Variants in CLSTN1 observed in about 807,000 individuals in gnomAD.
The protein encoded by CLSTN1 is calsyntenin 1.
Under a neutral mutation model 108.3 loss-of-function variants are expected in CLSTN1, and 28 were observed. The ratio of observed to expected loss-of-function variants is 0.26; its 90% confidence interval spans 0.19 to 0.35. CLSTN1 has a LOEUF of 0.35. CLSTN1 is among the 10% of genes least tolerant of loss of function. CLSTN1 has a pLI of 1.00. For synonymous variants in CLSTN1, 524 were observed against 534.9 expected (o/e 0.98, Z 0.28); for missense variants, 1,157 against 1,302.6 (o/e 0.89, Z 1.72).
In CLSTN1 at chr1:9,743,978, TAGAG is replaced by T; in HGVS notation, c.1258_1261del (p.Leu420MetfsTer7). 2 of 1,614,096 alleles carry T rather than the reference TAGAG, an allele frequency of 1.2e-6. No homozygotes were observed. Among genetic ancestry groups the T allele is most frequent in the Non-Finnish European group, 1.7e-6 (2 of 1,179,968 alleles). ...GAAGATCAGCCGGCACCCGTGGACA[TAGAG>T]GGAGTAGTGGTGCCGATTCATATCT... On this transcript the variant is annotated frameshift_variant, in exon 9 of 19. Transcript: ENST00000377298. LOFTEE classifies it high-confidence loss of function.
At chr1:9,818,848 G>A (rs556183199) in intron 1 of CLSTN1, among the ~76,000 whole-genome samples, 25 of 139,096 alleles carry the variant, frequency 1.8e-4, no homozygotes, top group Non-Finnish European at 3.3e-4. Flanking sequence ...GTGCAGTGGC[G>A]CGATCTCGGC....
chr1:9,812,546 G>T (rs1654802978), intron 1 of CLSTN1, among the ~76,000 whole-genome samples: 1 of 152,044 alleles, frequency 6.6e-6, no homozygotes, highest in South Asian at 2.1e-4. Context: ...CCCCAGGGTT[G>T]GTTTAAAAAC....
At chr1:9,762,301 A>AAT (rs1316288492) in intron 2 of CLSTN1, among the ~76,000 whole-genome samples, 1 of 152,078 alleles carries the variant, frequency 6.6e-6, no homozygotes, top group Non-Finnish European at 1.5e-5. Context: ...TCTCTACTAA[A>AAT]AATACAAAAA....
intron 7 of CLSTN1, among the ~76,000 whole-genome samples, chr1:9,747,810 G>A (rs530231334): frequency 2.8e-4 from 43 of 152,202 alleles, no homozygotes; most frequent in African/African-American, 6.3e-4. Flanking sequence ...TTGGGAGGCC[G>A]AGGTGGGCGG....
At chr1:9,762,441 A>T (rs1471077248) in intron 2 of CLSTN1, among the ~76,000 whole-genome samples, 1 of 150,256 alleles carries the variant, frequency 6.7e-6, no homozygotes, top group African/African-American at 2.5e-5. Flanking sequence ...AGCCTAGGCG[A>T]CAGAGCGAGA....
chr1:9,818,777 CTTTTTTTTTTTTTTTT>C (rs1156483241), intron 1 of CLSTN1, among the ~76,000 whole-genome samples: 4 of 98,084 alleles, frequency 4.1e-5, no homozygotes, highest in Admixed American at 1.0e-4. Flanking sequence ...TCAAGCAACT[CTTTTTTTTTTTTTTTT>C]TTTTTTTTTT....
At chr1:9,751,432 G>C in intron 5 of CLSTN1, 41 bp downstream of exon 5, 1 of 1,595,244 alleles carries the variant, frequency 6.3e-7, no homozygotes, top group Non-Finnish European at 8.6e-7. Flanking sequence ...GGTTAGCAGG[G>C]ACTGTCTACC....
At chr1:9,748,838 C>A (rs181801658) in intron 7 of CLSTN1, among the ~76,000 whole-genome samples, 10 of 152,210 alleles carry the variant, frequency 6.6e-5, no homozygotes, top group African/African-American at 2.4e-4. Flanking sequence ...AAAACTCACT[C>A]CATGTACTCC....
At position 9,733,600 on chromosome 1, in the gene CLSTN1, G is replaced by A. The variant is rs1650523910; in HGVS notation, c.2282-54C>T. On this transcript the variant is annotated intron_variant, in intron 15 of 18. Coordinates refer to ENST00000377298, the MANE Select transcript of CLSTN1 (RefSeq NM_001009566.3). ...CGGGTGGCTTAGGGCAGGAGCATGG[G>A]CAGGGCTGCAGCCGTCAGCACAGGC... 3.1e-6 allele frequency: 5 copies of A among 1,601,504 alleles called. No individual in the cohort carries two copies. In the African/African-American group the frequency reaches 4.0e-5, roughly 13 times the overall value.
At position 9,744,594 on chromosome 1, in the gene CLSTN1, G is replaced by A. The variant is rs762095639; in HGVS notation, c.1035C>T (p.Leu345=). 6.2e-7 allele frequency: 1 copy of A among 1,613,526 alleles called. No homozygotes were observed. Reference sequence around the variant, plus strand: ...CGGTGGGCAGGCCCATGGTCCAGTTGAGGGATCCACTCGGGGATGGCAGCA... The same window carrying A: ...CGGTGGGCAGGCCCATGGTCCAGTTAAGGGATCCACTCGGGGATGGCAGCA... ...AELLPSPSGS[L]NWTMGLPTDN... Residue 345 remains leucine (L), a synonymous_variant, in exon 8 of 19, where the codon CTC becomes CTT. Coordinates refer to ENST00000377298, the MANE Select transcript of CLSTN1 (RefSeq NM_001009566.3).
intron 17 of CLSTN1, 146 bp from the exon 18 acceptor site, chr1:9,731,536 G>T: frequency 9.9e-7 from 1 of 1,012,562 alleles, no homozygotes; most frequent in Non-Finnish European, 1.5e-6. Context: ...ACCAGGAAAA[G>T]CTCGCCATGG....
At chr1:9,805,160 T>C (rs1166906514) in intron 1 of CLSTN1, among the ~76,000 whole-genome samples, 1 of 152,142 alleles carries the variant, frequency 6.6e-6, no homozygotes, top group East Asian at 1.9e-4. Flanking sequence ...CAATGTAAAC[T>C]ATGAAGAGAC....
At position 9,823,204 on chromosome 1, in the gene CLSTN1, C is replaced by G. The variant is rs1655256029; in HGVS notation, c.91+439G>C. 6.6e-6 allele frequency among the ~76,000 whole-genome samples: 1 copy of G among 152,206 alleles called. No individual in the cohort carries two copies. The highest frequency in any genetic ancestry group is 2.4e-5 in the African/African-American group (1 of 41,450). On this transcript the variant is annotated intron_variant, in intron 1 of 18. Coordinates refer to ENST00000377298, the MANE Select transcript of CLSTN1 (RefSeq NM_001009566.3). This position sits in a 1 kb window ranked among gnomAD's most constrained non-coding sequence, Gnocchi z 6.3. ...CGTGCACCCCCCGCCTGATGCACAT[C>G]TGAGCACACGTACACAGAGCATCTC...
chr1:9,764,930 G>A (rs1211243171), intron 2 of CLSTN1, among the ~76,000 whole-genome samples: 1 of 152,080 alleles, frequency 6.6e-6, no homozygotes, highest in Non-Finnish European at 1.5e-5. Flanking sequence ...CCTGGGTGGT[G>A]TCTACATCCA....
At chr1:9,759,710 G>A (rs889641087) in intron 2 of CLSTN1, among the ~76,000 whole-genome samples, 8 of 152,178 alleles carry the variant, frequency 5.3e-5, no homozygotes, top group Non-Finnish European at 7.3e-5. Context: ...AAAGAGATCC[G>A]AGGGGCCCCA....
chr1:9,761,391 C>T (rs148792879), intron 2 of CLSTN1, among the ~76,000 whole-genome samples: 1 of 152,024 alleles, frequency 6.6e-6, no homozygotes, highest in Non-Finnish European at 1.5e-5. Flanking sequence ...TACTTGGGAG[C>T]CTAAGGTGGG....
chr1:9,743,243 A>G (rs910727879), intron 9 of CLSTN1, among the ~76,000 whole-genome samples: 5 of 152,130 alleles, frequency 3.3e-5, no homozygotes, highest in Admixed American at 3.3e-4. Context: ...TTTTCACAGG[A>G]TATTTGCTTT....
intron 1 of CLSTN1, among the ~76,000 whole-genome samples, chr1:9,787,311 G>A (rs1250580465): frequency 6.6e-6 from 1 of 151,188 alleles, no homozygotes; most frequent in African/African-American, 2.4e-5. Context: ...TTGTGTTATG[G>A]TTGATAAAAA....
chr1:9,795,751 T>TA (rs1425974116), intron 1 of CLSTN1, among the ~76,000 whole-genome samples: 5 of 151,298 alleles, frequency 3.3e-5, no homozygotes, highest in South Asian at 2.2e-4. Context: ...GGCCAGGAGT[T>TA]AGAGACCAGC....
Sources: gnomAD v4.1 joint callset for allele counts (sites outside exome capture counted in the v4.1 genomes callset) on GRCh38, gnomAD v4.1.1 for gene constraint, Gnocchi (gnomAD v3.1) non-coding constraint, MANE v1.5 for transcripts, NCBI Gene and HGNC (gene_info 2026-07-23, HGNC 2026-07-21) for gene names.